TRAPPC9: variants seen among roughly 807,000 people sequenced by gnomAD.
The protein encoded by TRAPPC9 is trafficking protein particle complex subunit 9, also known as IKK2 binding protein.
A neutral mutation model predicts 124.0 loss-of-function variants in TRAPPC9; 83 were observed. The ratio of observed to expected loss-of-function variants is 0.67; its 90% CI spans 0.56 to 0.80. TRAPPC9 has a LOEUF of 0.80. TRAPPC9 is among the 30% of genes least tolerant of loss of function. The pLI, the probability that TRAPPC9 is intolerant of heterozygous loss-of-function variation, is 0.00. For synonymous variants in TRAPPC9, 638 were observed against 617.5 expected, an observed-to-expected ratio of 1.03 and a Z score of -0.49; for missense variants, 1,302 against 1,508.3, an observed-to-expected ratio of 0.86 and a Z score of 2.27.
intron 21 of TRAPPC9, among the ~76,000 whole-genome samples, chr8:139,748,409 G>A (rs1459283954): frequency 8.0e-6 from 1 of 125,416 alleles, no homozygotes; most frequent in African/African-American, 3.1e-5. Flanking sequence ...AGGTGTGGGG[G>A]CTGTGCAGGG....
intron 20 of TRAPPC9, among the ~76,000 whole-genome samples, chr8:139,897,248 GC>G (rs1317136237): frequency 2.0e-5 from 3 of 152,168 alleles, no homozygotes; most frequent in Non-Finnish European, 4.4e-5. Flanking sequence ...TTGCTCACAT[GC>G]CCTGCTGGTC....
At chr8:140,036,561 G>A (rs1840899334) in intron 17 of TRAPPC9, among the ~76,000 whole-genome samples, 1 of 152,176 alleles carries the variant, frequency 6.6e-6, no homozygotes, top group African/African-American at 2.4e-5. Context: ...GACAGGGTGT[G>A]GTACAAAGAT....
At chr8:140,161,446 T>C (rs1414916109) in intron 17 of TRAPPC9, among the ~76,000 whole-genome samples, 1 of 151,638 alleles carries the variant, frequency 6.6e-6, no homozygotes, top group Admixed American at 6.6e-5. Flanking sequence ...AATATCTGCA[T>C]ATACGTAATG....
rs79178577 is a variant in TRAPPC9 at position 140,220,025 on chromosome 8, G to T, written c.2556+1434C>A. Reference sequence around the variant, plus strand: ...CAAAGCTCCAGGGCACCTGGGGCACGCCCTGGGAATCCAGGCAAGCAGTAA... The same window carrying T: ...CAAAGCTCCAGGGCACCTGGGGCACTCCCTGGGAATCCAGGCAAGCAGTAA... On this transcript the variant is annotated intron_variant, in intron 17 of 22. Coordinates refer to ENST00000438773, the MANE Select transcript of TRAPPC9 (RefSeq NM_001160372.4). Among the ~76,000 whole-genome samples the T allele has an allele frequency of 4.9e-3, 746 of 152,284 alleles. 9 individuals are homozygous for T. The highest frequency in any genetic ancestry group is 4.6e-3 in the Non-Finnish European group (316 of 68,024).
At chr8:140,163,427 T>C (rs2061783059) in intron 17 of TRAPPC9, among the ~76,000 whole-genome samples, 1 of 152,230 alleles carries the variant, frequency 6.6e-6, no homozygotes, top group South Asian at 2.1e-4. Flanking sequence ...AGATTCTGTG[T>C]CCAGTTTTCT....
intron 17 of TRAPPC9, among the ~76,000 whole-genome samples, chr8:140,073,917 T>C (rs925382880): frequency 4.6e-5 from 7 of 152,232 alleles, no homozygotes; most frequent in African/African-American, 1.4e-4. Flanking sequence ...CTGATATACG[T>C]CTGCCTTGCA....
In TRAPPC9 at chr8:139,965,257, T is replaced by C. The variant is rs185131901; in HGVS notation, c.2810+23469A>G. Among the ~76,000 whole-genome samples the C allele has an allele frequency of 2.3e-4, 35 of 152,322 alleles. No homozygotes were observed. In the East Asian group the frequency reaches 2.7e-3, roughly 12 times the overall value. On this transcript the variant is annotated intron_variant, in intron 19 of 22. Transcript: ENST00000438773. ...TGATTGTGCAGTGGAAAATGACCAT[T>C]TAGGATAGTCCTGTGTTTTCTGAAA...
At chr8:140,060,950 G>A (rs879314970) in intron 17 of TRAPPC9, among the ~76,000 whole-genome samples, 5 of 152,212 alleles carry the variant, frequency 3.3e-5, no homozygotes, top group Non-Finnish European at 5.9e-5. Context: ...TGAAAACAAG[G>A]CTTTAAGAAT....
chr8:140,260,361 T>C (rs1037963054), intron 15 of TRAPPC9, among the ~76,000 whole-genome samples: 3 of 152,158 alleles, frequency 2.0e-5, no homozygotes, highest in Non-Finnish European at 2.9e-5. Context: ...CAGGGAATCA[T>C]GTGAACTGGT....
intron 9 of TRAPPC9, among the ~76,000 whole-genome samples, chr8:140,324,101 T>G (rs148917925): frequency 3.9e-5 from 6 of 152,172 alleles, no homozygotes; most frequent in African/African-American, 1.4e-4. Flanking sequence ...TTGCCTTGCA[T>G]CCTTACAGCT....
intron 21 of TRAPPC9, among the ~76,000 whole-genome samples, chr8:139,873,184 G>C (rs1341467537): frequency 2.0e-5 from 3 of 152,120 alleles, no homozygotes; most frequent in Non-Finnish European, 4.4e-5. Flanking sequence ...TGAAAGTCTA[G>C]AATAGTGCTT....
intron 21 of TRAPPC9, among the ~76,000 whole-genome samples, chr8:139,868,101 G>A (rs1828665735): frequency 6.6e-6 from 1 of 152,232 alleles, no homozygotes; most frequent in South Asian, 2.1e-4. Flanking sequence ...GTTCATGCCT[G>A]TAATCCCAGC....
chr8:139,732,177 A>G lies in TRAPPC9; in HGVS notation c.3081T>C (p.Cys1027=). 1 of 1,596,808 alleles carries G rather than the reference A, an allele frequency of 6.3e-7. No individual in the cohort carries two copies. Among genetic ancestry groups the G allele is most frequent in the Non-Finnish European group, 8.5e-7 (1 of 1,176,134 alleles). ...QWDVLVDGQP[C]DREAVAACQV... is the part of the protein sequence containing the mutation. ...GGCAGGCCGCCACAGCCTCGCGGTC[A>G]CATGGCTGTCCGTCCACCAGCACAT... is the stretch of plus-strand genomic sequence containing the variant. The change falls in exon 22 of 23, where the codon TGT becomes TGC. Residue 1027 remains cysteine, a synonymous_variant. Transcript: ENST00000438773.
At chr8:139,979,000 G>A (rs1836689350) in intron 19 of TRAPPC9, among the ~76,000 whole-genome samples, 2 of 152,078 alleles carry the variant, frequency 1.3e-5, no homozygotes, top group South Asian at 4.2e-4. Flanking sequence ...GGACTCGGTG[G>A]CCGGGCTCCC....
intron 19 of TRAPPC9, among the ~76,000 whole-genome samples, chr8:139,953,295 C>G (rs965647996): frequency 1.3e-5 from 2 of 152,178 alleles, no homozygotes; most frequent in African/African-American, 4.8e-5. Flanking sequence ...GAGTTGAAGA[C>G]CAGCCTGGTC....
chr8:140,006,614 TAATG>T lies in TRAPPC9; in HGVS notation c.2699+17319_2699+17322del, dbSNP rs907402821. 6.6e-5 allele frequency among the ~76,000 whole-genome samples: 10 copies of T among 152,206 alleles called. No homozygotes were observed. The East Asian group carries it at 1.2e-3, about 18-fold the overall frequency. On this transcript the variant is annotated intron_variant, in intron 18 of 22. Coordinates refer to ENST00000438773, the MANE Select transcript of TRAPPC9 (RefSeq NM_001160372.4). ...GCAATCAACCCAAATGTCCATCAACTAATGAATGAACAAAATTATATCCATTCAA... is the reference window on the plus strand; with the variant it reads ...GCAATCAACCCAAATGTCCATCAACTAATGAACAAAATTATATCCATTCAA...
intron 21 of TRAPPC9, among the ~76,000 whole-genome samples, chr8:139,753,068 C>T (rs111206286): frequency 7.1e-6 from 1 of 140,148 alleles, no homozygotes; most frequent in African/African-American, 3.1e-5. Context: ...ACCCACCCAC[C>T]CATCTATCCA....
Position 140,434,742 on chromosome 8 carries a change from G to A in TRAPPC9, c.859+370C>T, listed in dbSNP as rs184433081. Among the ~76,000 whole-genome samples, 731 of 152,216 alleles carry A rather than the reference G, an allele frequency of 4.8e-3. 2 individuals carry two copies. Among genetic ancestry groups the A allele is most frequent in the Non-Finnish European group, 7.6e-3 (516 of 68,010 alleles). On this transcript the variant is annotated intron_variant, in intron 4 of 22. Coordinates refer to ENST00000438773, the MANE Select transcript of TRAPPC9 (RefSeq NM_001160372.4). ...TCCCAGCACTTTGGGAGGCCGAGGC[G>A]GGTGGATCACGAGGTCAAGCATTCG...
At chr8:140,044,260 GAAC>G (rs1841442925) in intron 17 of TRAPPC9, among the ~76,000 whole-genome samples, 1 of 114,718 alleles carries the variant, frequency 8.7e-6, no homozygotes, top group Non-Finnish European at 1.7e-5. Flanking sequence ...AGAAGCAACA[GAAC>G]AACAACGACC....
Sources: gnomAD v4.1 joint callset for allele counts (sites outside exome capture counted in the v4.1 genomes callset) on GRCh38, gnomAD v4.1.1 for gene constraint, MANE v1.5 for transcripts, NCBI Gene and HGNC (gene_info 2026-07-23, HGNC 2026-07-21) for gene names.